Variants in ZBTB20 observed in about 807,000 individuals in gnomAD.
ZBTB20 encodes zinc finger and BTB domain containing 20, also known as zinc finger and BTB domain-containing protein 20.
Under a neutral mutation model 56.9 loss-of-function variants are expected in ZBTB20, and 9 were observed. The ratio of observed to expected loss-of-function variants is 0.16; its 90% CI spans 0.10 to 0.28. The LOEUF is 0.28. Ranked by LOEUF, ZBTB20 falls within the 10% of genes least tolerant of loss-of-function variation. ZBTB20 has a pLI of 1.00. For synonymous variants in ZBTB20, 417 were observed against 420.7 expected (o/e 0.99, Z 0.11); for missense variants, 655 against 1,003.0 (o/e 0.65, Z 4.69).
At chr3:114,378,464 C>T (rs1486693512) in intron 10 of ZBTB20, among the ~76,000 whole-genome samples, 1 of 152,238 alleles carries the variant, frequency 6.6e-6, no homozygotes, top group Non-Finnish European at 1.5e-5. Flanking sequence ...TGTATGGTGA[C>T]ACCATACTCA....
chr3:114,789,157 A>G (rs1028412875), intron 5 of ZBTB20, among the ~76,000 whole-genome samples: 1 of 152,172 alleles, frequency 6.6e-6, no homozygotes. Context: ...GAGCAATTGT[A>G]TATTTATCAA....
At chr3:114,675,648 C>T (rs537486888) in intron 6 of ZBTB20, among the ~76,000 whole-genome samples, 21 of 152,216 alleles carry the variant, frequency 1.4e-4, no homozygotes, top group African/African-American at 5.1e-4. Context: ...ATTTCTTTCA[C>T]CTAAATATAC....
intron 7 of ZBTB20, among the ~76,000 whole-genome samples, chr3:114,488,216 G>C (rs971575406): frequency 6.6e-6 from 1 of 152,198 alleles, no homozygotes; most frequent in Non-Finnish European, 1.5e-5. Flanking sequence ...GTTGCCATCA[G>C]AGCATAAGAA....
At chr3:114,808,548 A>G (rs1289508623) in intron 4 of ZBTB20, among the ~76,000 whole-genome samples, 3 of 151,664 alleles carry the variant, frequency 2.0e-5, no homozygotes, top group Non-Finnish European at 4.4e-5. Flanking sequence ...CATTTTGGTA[A>G]TCTGTCATCT....
rs199602705 is a variant in ZBTB20, at chr3:114,981,975, A to G, written c.-506-7559T>C. 3.5e-3 allele frequency among the ~76,000 whole-genome samples: 540 copies of G among 152,220 alleles called. 4 individuals carry two copies. Among genetic ancestry groups the G allele is most frequent in the African/African-American group, 0.012 (513 of 41,558 alleles). ...GAAAAATTCATTTGGTGAATTGTTC[A>G]TAAGATGCTGACAAAACTGGCCCCA... On this transcript the variant is annotated intron_variant, in intron 2 of 11. Coordinates refer to ENST00000675478, the MANE Select transcript of ZBTB20 (RefSeq NM_001348800.3).
In ZBTB20 at chr3:114,709,462, T is replaced by C. The variant is rs112633538; in HGVS notation, c.-342-15887A>G. ...AGAGATGTGGAGAAAATCCGAGCCA[T>C]GACACTTAAGAATGAACTGGAGTAA... On this transcript the variant is annotated intron_variant, in intron 5 of 11. Coordinates refer to ENST00000675478, the MANE Select transcript of ZBTB20 (RefSeq NM_001348800.3). 1.8e-4 allele frequency among the ~76,000 whole-genome samples: 28 copies of C among 152,238 alleles called. 1 individual carries two copies. Among genetic ancestry groups the C allele is most frequent in the African/African-American group, 6.7e-4 (28 of 41,546 alleles).
intron 5 of ZBTB20, among the ~76,000 whole-genome samples, chr3:114,764,965 C>T (rs1048390509): frequency 6.6e-6 from 1 of 152,098 alleles, no homozygotes; most frequent in African/African-American, 2.4e-5. Flanking sequence ...CACAGTAACA[C>T]CAGTAATCTG....
chr3:115,078,595 A>ATGTGTGTGTGTGTGTG (rs10662256), intron 1 of ZBTB20, among the ~76,000 whole-genome samples: 12 of 130,606 alleles, frequency 9.2e-5, no homozygotes, highest in Admixed American at 6.2e-4. Context: ...CAGTAAGAAT[A>ATGTGTGTGTGTGTGTG]TGTGTGTGTG....
At chr3:114,364,462 C>T (rs139805047) in intron 10 of ZBTB20, among the ~76,000 whole-genome samples, 2,344 of 152,228 alleles carry the variant, frequency 0.015, 45 homozygotes, top group Middle Eastern at 0.031. Flanking sequence ...AACAAACAAA[C>T]AAACATCCCC....
chr3:114,546,838 T>C (rs2049947353), intron 6 of ZBTB20, among the ~76,000 whole-genome samples: 1 of 151,594 alleles, frequency 6.6e-6, no homozygotes, highest in South Asian at 2.1e-4. Context: ...GCAGAGCAAA[T>C]AGGGTTAAAA....
chr3:114,792,608 T>C (rs1326047353), intron 5 of ZBTB20, among the ~76,000 whole-genome samples: 1 of 152,164 alleles, frequency 6.6e-6, no homozygotes, highest in Non-Finnish European at 1.5e-5. Context: ...TTTAGAATAC[T>C]TGTTCAAGTG....
intron 11 of ZBTB20, among the ~76,000 whole-genome samples, chr3:114,342,903 G>T (rs2079897104): frequency 6.6e-6 from 1 of 152,172 alleles, no homozygotes; most frequent in Non-Finnish European, 1.5e-5. Flanking sequence ...GTGGTATATG[G>T]ATAAAATGTC....
At chr3:115,140,311 A>C (rs926365943) in intron 1 of ZBTB20, among the ~76,000 whole-genome samples, 10 of 152,070 alleles carry the variant, frequency 6.6e-5, no homozygotes, top group Non-Finnish European at 1.5e-5. Context: ...GAAAAGGTAG[A>C]TATTGTCCCC....
chr3:114,433,087 C>G (rs1040189291), intron 7 of ZBTB20, among the ~76,000 whole-genome samples: 1 of 152,062 alleles, frequency 6.6e-6, no homozygotes, highest in African/African-American at 2.4e-5. Context: ...AATAGTTTTA[C>G]GTAGATATAG....
At chr3:114,479,500 C>T (rs184496266) in intron 7 of ZBTB20, among the ~76,000 whole-genome samples, 397 of 152,262 alleles carry the variant, frequency 2.6e-3, no homozygotes, top group Middle Eastern at 0.017. Context: ...TACAAAGTCA[C>T]GTCTACATAT....
intron 5 of ZBTB20, among the ~76,000 whole-genome samples, chr3:114,787,368 T>TACACACACACACAC (rs1300106922): frequency 5.1e-4 from 54 of 106,292 alleles, no homozygotes; most frequent in South Asian, 1.3e-3. Context: ...TATATATATA[T>TACACACACACACAC]ACACACACAC....
chr3:114,780,591 G>A (rs895028358), intron 5 of ZBTB20, among the ~76,000 whole-genome samples: 1 of 152,224 alleles, frequency 6.6e-6, no homozygotes, highest in Non-Finnish European at 1.5e-5. Flanking sequence ...GGGTTCAAGC[G>A]ATTCTCCTGC....
rs1371880575 is a variant in ZBTB20, at chr3:114,328,639, CT to C, written c.*10365del. 6.6e-6 allele frequency: 1 copy of C among 152,152 alleles called. No homozygotes were observed. The highest frequency in any genetic ancestry group is 1.5e-5 in the Non-Finnish European group (1 of 68,026). 9.4% of individuals were successfully genotyped at this position (152,152 alleles called of 1,614,324 possible). On this transcript the variant is annotated 3_prime_UTR_variant, in exon 12 of 12. Coordinates refer to ENST00000675478, the MANE Select transcript of ZBTB20 (RefSeq NM_001348800.3). ...CCCACTCTCAAAAGAATATTGATAA[CT>C]TTTAAACTCTGAAGCTAAAATGAAG...
chr3:114,897,486 T>TGA (rs2074932322), intron 4 of ZBTB20, among the ~76,000 whole-genome samples: 2 of 152,260 alleles, frequency 1.3e-5, no homozygotes, highest in African/African-American at 4.8e-5. Context: ...CAGGGGAACC[T>TGA]GCAATAATGC....
Sources: allele counts gnomAD v4.1 joint callset (sites outside exome capture counted in the v4.1 genomes callset), GRCh38; gene constraint gnomAD v4.1.1; transcripts MANE v1.5; gene names NCBI Gene and HGNC (gene_info 2026-07-23, HGNC 2026-07-21).